TRAF3IP1: variants seen among roughly 807,000 people sequenced by gnomAD.
The protein encoded by TRAF3IP1 is TRAF3-interacting protein 1.
Under a neutral mutation model 89.9 loss-of-function variants are expected in TRAF3IP1, and 53 were observed. That is an observed-to-expected ratio of 0.59 (90% CI 0.47 to 0.74). The LOEUF (loss-of-function observed/expected upper bound fraction) is 0.74, where lower values mean the gene tolerates loss of function less well. TRAF3IP1 is among the 30% of genes least tolerant of loss of function. The probability of loss-of-function intolerance (pLI) is 0.00; values close to 1 mark genes in which losing one functional copy is unlikely to be tolerated. For synonymous variants in TRAF3IP1, 311 were observed against 322.1 expected (o/e 0.97, Z 0.37); for missense variants, 806 against 866.1 (o/e 0.93, Z 0.87).
intron 15 of TRAF3IP1, among the ~76,000 whole-genome samples, chr2:238,392,442 T>C (rs894654903): frequency 3.3e-5 from 5 of 152,204 alleles, no homozygotes; most frequent in Non-Finnish European, 7.3e-5. Flanking sequence ...CAGTTCTCCA[T>C]TTCTGTAACT....
At chr2:238,353,107 C>A in intron 13 of TRAF3IP1, 66 bp from the exon 14 acceptor site, 1 of 1,598,420 alleles carries the variant, frequency 6.3e-7, no homozygotes, top group Non-Finnish European at 8.6e-7. Flanking sequence ...TTGAGATCCA[C>A]AGAAGCATGA....
intron 15 of TRAF3IP1, among the ~76,000 whole-genome samples, chr2:238,367,888 C>T (rs1699953003): frequency 5.3e-5 from 8 of 152,134 alleles, no homozygotes; most frequent in Admixed American, 4.6e-4. Context: ...TGTCTCAGTG[C>T]GGGGTGGGCG....
chr2:238,365,936 C>T (rs140451202), intron 15 of TRAF3IP1, among the ~76,000 whole-genome samples: 374 of 152,156 alleles, frequency 2.5e-3, no homozygotes, highest in Admixed American at 3.3e-3. Context: ...TTGTTACCAC[C>T]CCATTATCTT....
At chr2:238,336,250 A>G (rs1698386371) in intron 7 of TRAF3IP1, among the ~76,000 whole-genome samples, 1 of 152,162 alleles carries the variant, frequency 6.6e-6, no homozygotes, top group Non-Finnish European at 1.5e-5. Context: ...TGGTCTTAAG[A>G]GATTTTATTA....
chr2:238,350,080 T>TTA (rs1431035347), intron 12 of TRAF3IP1, among the ~76,000 whole-genome samples: 2 of 150,942 alleles, frequency 1.3e-5, no homozygotes, highest in Non-Finnish European at 3.0e-5. Flanking sequence ...AAAAAAAAAA[T>TTA]AAAGTCATAA....
At chr2:238,369,855 C>T (rs1023622824) in intron 15 of TRAF3IP1, among the ~76,000 whole-genome samples, 5 of 152,268 alleles carry the variant, frequency 3.3e-5, no homozygotes, top group South Asian at 2.1e-4. Flanking sequence ...CTTGTGCCTT[C>T]CACTTGGACT....
chr2:238,327,435 T>A (rs1187244339), intron 3 of TRAF3IP1, among the ~76,000 whole-genome samples: 1 of 152,216 alleles, frequency 6.6e-6, no homozygotes, highest in African/African-American at 2.4e-5. Flanking sequence ...CAGCATGTGC[T>A]TGTGGAATGA....
chr2:238,384,069 C>A (rs77693847), intron 15 of TRAF3IP1, among the ~76,000 whole-genome samples: 4 of 151,906 alleles, frequency 2.6e-5, no homozygotes, highest in African/African-American at 9.7e-5. Context: ...CTTGCAGGGC[C>A]CCCCCCATCT....
At chr2:238,355,903 A>G in intron 14 of TRAF3IP1, 101 bp from the exon 15 acceptor site, 1 of 791,850 alleles carries the variant, frequency 1.3e-6, no homozygotes, top group Non-Finnish European at 2.1e-6. Context: ...AAAAAGAGAT[A>G]GGATAAAAAC....
In TRAF3IP1 at chr2:238,335,870, G is replaced by GCTCACTGCAAC. The variant is rs553794959; in HGVS notation, c.1063+1846_1063+1856dup. On this transcript the variant is annotated intron_variant, in intron 7 of 16. Transcript: ENST00000373327. ...ACTGGAGTGCAGTGGCGCAATCATG[G>GCTCACTGCAAC]CTCACTGCAACCTCACTGCAAGTGA... Among the ~76,000 whole-genome samples the GCTCACTGCAAC allele has an allele frequency of 4.8e-3, 725 of 151,698 alleles. 5 individuals are homozygous for GCTCACTGCAAC. Among genetic ancestry groups the GCTCACTGCAAC allele is most frequent in the African/African-American group, 0.017 (685 of 41,296 alleles).
chr2:238,332,859 A>G lies in TRAF3IP1; in HGVS notation c.951A>G (p.Ser317=), dbSNP rs1698197419. 6.2e-7 allele frequency: 1 copy of G among 1,613,378 alleles called. No homozygotes were observed. Among genetic ancestry groups the G allele is most frequent in the East Asian group, 2.2e-5 (1 of 44,874 alleles). The change falls in exon 6 of 17, where the codon TCA becomes TCG. Residue 317 remains serine, a synonymous_variant. Coordinates refer to ENST00000373327, the MANE Select transcript of TRAF3IP1 (RefSeq NM_015650.4). ...CAGGGGAGATGTCTAAAAAGTTATC[A>G]GATGGAACTTTTAAAGACTCCAAGG... ...ASSGEMSKKL[S]DGTFKDSKAE... is the part of the protein sequence containing the mutation.
chr2:238,322,133 G>C (rs1215175497), intron 1 of TRAF3IP1, among the ~76,000 whole-genome samples: 1 of 152,188 alleles, frequency 6.6e-6, no homozygotes, highest in Non-Finnish European at 1.5e-5. Context: ...ACAATGTGCC[G>C]CATCACCACC....
chr2:238,337,971 C>T (rs1255562808), intron 7 of TRAF3IP1, among the ~76,000 whole-genome samples: 1 of 152,090 alleles, frequency 6.6e-6, no homozygotes, highest in Non-Finnish European at 1.5e-5. Flanking sequence ...GTGATGTTTA[C>T]GGACATGGAC....
In TRAF3IP1 at chr2:238,325,962, C is replaced by T. The variant is rs761049632; in HGVS notation, c.346C>T (p.Leu116Phe). Residue 116 changes from leucine to phenylalanine, a missense_variant, in exon 3 of 17, where the codon CTC becomes TTC. Physicochemically the swap from Leu to Phe is conservative, Grantham distance 22. Coordinates refer to ENST00000373327, the MANE Select transcript of TRAF3IP1 (RefSeq NM_015650.4). The part of the protein sequence containing the change: ...ELLQIIGKCC[L>F]NKLSSDDAVR... Reference sequence around the variant, plus strand: ...GCTCCAGATAATTGGAAAATGCTGTCTCAACAAGGTACTACTGCTGTCCTG... The same window carrying T: ...GCTCCAGATAATTGGAAAATGCTGTTTCAACAAGGTACTACTGCTGTCCTG... The T allele has an allele frequency of 1.9e-6, 3 of 1,612,586 alleles. No individual in the cohort carries two copies. Among genetic ancestry groups the T allele is most frequent in the Non-Finnish European group, 2.5e-6 (3 of 1,179,604 alleles).
At chr2:238,368,999 A>G (rs555283205) in intron 15 of TRAF3IP1, among the ~76,000 whole-genome samples, 2 of 152,272 alleles carry the variant, frequency 1.3e-5, no homozygotes, top group African/African-American at 4.8e-5. Flanking sequence ...TAAATAAAAT[A>G]CACTGTGTCT....
chr2:238,380,463 A>G (rs35990509), intron 15 of TRAF3IP1, among the ~76,000 whole-genome samples: 8 of 152,138 alleles, frequency 5.3e-5, no homozygotes, highest in African/African-American at 9.7e-5. Context: ...TTGAACAGGA[A>G]GCTCTGCAGT....
chr2:238,335,722 C>A (rs762130641), intron 7 of TRAF3IP1, among the ~76,000 whole-genome samples: 2 of 150,606 alleles, frequency 1.3e-5, no homozygotes, highest in Non-Finnish European at 3.0e-5. Context: ...TACTTGGTTG[C>A]GTATGTTGGT....
intron 8 of TRAF3IP1, among the ~76,000 whole-genome samples, chr2:238,339,825 A>C (rs764104221): frequency 2.6e-5 from 4 of 152,250 alleles, no homozygotes; most frequent in African/African-American, 9.6e-5. Context: ...TCATCCTGAG[A>C]TGGGCAATGG....
chr2:238,399,722 A>G lies in TRAF3IP1; in HGVS notation c.*803A>G, dbSNP rs1167782883. On this transcript the variant is annotated 3_prime_UTR_variant, in exon 17 of 17. Transcript: ENST00000373327. The stretch of plus-strand genomic sequence containing the variant: ...TCTCCTTAAGAGGGTCTCGCTCTGC[A>G]AAGCATTGGCGCCATGGCTTTTCCT... The G allele has an allele frequency of 6.6e-6, 1 of 152,200 alleles. No individual in the cohort carries two copies. Among genetic ancestry groups the G allele is most frequent in the Non-Finnish European group, 1.5e-5 (1 of 68,034 alleles). 9.4% of individuals were successfully genotyped at this position (152,200 alleles called of 1,614,324 possible). A position where few individuals can be genotyped will look rare whatever the true frequency, so the allele number is the denominator to read the frequency against.
Sources: gnomAD v4.1 joint callset for allele counts (sites outside exome capture counted in the v4.1 genomes callset) on GRCh38, gnomAD v4.1.1 for gene constraint, MANE v1.5 for transcripts, NCBI Gene and HGNC (gene_info 2026-07-23, HGNC 2026-07-21) for gene names.